The following CCDC14 variants were observed in gnomAD, a reference collection of about 807,000 sequenced individuals.
CCDC14 encodes the protein coiled-coil domain-containing protein 14.
In CCDC14, 71 loss-of-function variants were observed where a neutral mutation model predicts 81.4. That is an observed-to-expected ratio of 0.87 (90% CI 0.72 to 1.06). The LOEUF (loss-of-function observed/expected upper bound fraction) is 1.06, where lower values mean the gene tolerates loss of function less well. Ranked by LOEUF, CCDC14 falls within the 50% of genes least tolerant of loss-of-function variation. CCDC14 has a pLI of 0.00. For missense variants in CCDC14, 1,046 were observed against 1,047.3 expected (o/e 1.00, Z 0.02); for synonymous variants, 332 against 364.8 (o/e 0.91, Z 1.03).
chr3:123,944,835 A>C lies in CCDC14; in HGVS notation c.1343+14T>G. On this transcript the variant is annotated intron_variant, in intron 9 of 12. Transcript: ENST00000409697. ...TTTGCATACAGACAAAAATATTCAAAGAGCAATTCTTACCTTCGTAACTGA... is the reference window on the plus strand; with the variant it reads ...TTTGCATACAGACAAAAATATTCAACGAGCAATTCTTACCTTCGTAACTGA... 6.3e-7 allele frequency: 1 copy of C among 1,592,438 alleles called. No homozygotes were observed. The highest frequency in any genetic ancestry group is 8.6e-7 in the Non-Finnish European group (1 of 1,164,958).
intron 9 of CCDC14, among the ~76,000 whole-genome samples, chr3:123,938,414 G>A (rs990300954): frequency 4.0e-5 from 6 of 151,636 alleles, no homozygotes; most frequent in African/African-American, 1.5e-4. Flanking sequence ...ATTTCAAATT[G>A]TTCATTGCTG....
In CCDC14 at chr3:123,915,373, C is replaced by A; in HGVS notation, c.2124G>T (p.Gln708His). The A allele has an allele frequency of 6.2e-7, 1 of 1,613,590 alleles. No individual in the cohort carries two copies. Among genetic ancestry groups the A allele is most frequent in the Non-Finnish European group, 8.5e-7 (1 of 1,179,714 alleles). Residue 708 changes from glutamine (Q) to histidine (H), a missense_variant, in exon 13 of 13, where the codon CAG (glutamine) becomes CAT (histidine). Gln to His is a conservative substitution (Grantham distance 24). Transcript: ENST00000409697. Reference sequence around the variant, plus strand: ...TAGTTTCACTCCCTTCATCAGAATCCTGTTTTGAAAGGGCAGAAATAATTC... The same window carrying A: ...TAGTTTCACTCCCTTCATCAGAATCATGTTTTGAAAGGGCAGAAATAATTC... ...APGIISALSK[Q>H]DSDEGSETMA...
intron 5 of CCDC14, among the ~76,000 whole-genome samples, chr3:123,904,622 GAAAAAA>G (rs35632545): frequency 1.4e-5 from 2 of 144,508 alleles, no homozygotes; most frequent in African/African-American, 5.1e-5. Flanking sequence ...TGGAAAAAAA[GAAAAAA>G]AAAAAAACCC....
At position 123,931,075 on chromosome 3, in the gene CCDC14, G is replaced by A. The variant is rs779236942; in HGVS notation, c.1778+27C>T. ...AAACATCTAAAAATAAAAAAGGCATGAGTTATTCAAAGGAAGTCAATTTTA... is the reference window on the plus strand; with the variant it reads ...AAACATCTAAAAATAAAAAAGGCATAAGTTATTCAAAGGAAGTCAATTTTA... On this transcript the variant is annotated intron_variant, in intron 12 of 12. Coordinates refer to ENST00000409697, the MANE Select transcript of CCDC14 (RefSeq NM_001366335.1). 2.6e-6 allele frequency: 4 copies of A among 1,539,748 alleles called. No homozygotes were observed. The Admixed American group carries it at 9.4e-5, about 36-fold the overall frequency.
intron 12 of CCDC14, among the ~76,000 whole-genome samples, chr3:123,917,551 A>G (rs1001159990): frequency 1.1e-4 from 16 of 152,014 alleles, no homozygotes; most frequent in African/African-American, 3.9e-4. Context: ...AAACAAAGAT[A>G]CAAAGGACAT....
chr3:123,946,953 T>A lies in CCDC14; in HGVS notation c.1051A>T (p.Thr351Ser). ...ATGTTTAAATCCTTTCTTTCACTTGTGGCCTCTCTAATTTGCTCTCTGGCA... is the reference window on the plus strand; with the variant it reads ...ATGTTTAAATCCTTTCTTTCACTTGAGGCCTCTCTAATTTGCTCTCTGGCA... The part of the protein sequence containing the change: ...KCAREQIREA[T>S]SERKDLNIHV... Residue 351 changes from threonine (T) to serine (S), a missense_variant, in exon 8 of 13, where the codon ACA (threonine) becomes TCA (serine). Transcript: ENST00000409697. The A allele has an allele frequency of 6.2e-7, 1 of 1,614,026 alleles. No homozygotes were observed. The highest frequency in any genetic ancestry group is 8.5e-7 in the Non-Finnish European group (1 of 1,179,878).
intron 5 of CCDC14, among the ~76,000 whole-genome samples, chr3:123,903,161 T>A (rs948227370): frequency 5.9e-5 from 9 of 152,186 alleles, no homozygotes; most frequent in African/African-American, 1.9e-4. Context: ...TAAAACAAAA[T>A]GAAACAGAAG....
chr3:123,919,708 A>G (rs1448456920), intron 12 of CCDC14, among the ~76,000 whole-genome samples: 1 of 152,218 alleles, frequency 6.6e-6, no homozygotes, highest in African/African-American at 2.4e-5. Flanking sequence ...GCCTATAGTC[A>G]CTACCAGATG....
downstream of CCDC14, among the ~76,000 whole-genome samples, chr3:123,911,148 A>C (rs905309140): frequency 6.6e-6 from 1 of 152,206 alleles, no homozygotes; most frequent in South Asian, 2.1e-4. Context: ...TTCTTTGGGT[A>C]TAACAGTGAG....
intron 7 of CCDC14, 22 bp from the exon 8 acceptor site, chr3:123,947,341 T>G (rs1463498062): frequency 6.3e-7 from 1 of 1,575,290 alleles, no homozygotes; most frequent in African/African-American, 1.4e-5. Context: ...TAAAAACAAG[T>G]CTTCAGAAGT....
intron 5 of CCDC14, among the ~76,000 whole-genome samples, chr3:123,897,807 C>G (rs1370142936): frequency 1.3e-5 from 2 of 152,102 alleles, no homozygotes; most frequent in Non-Finnish European, 2.9e-5. Flanking sequence ...AATAGGTGAT[C>G]TGGGCAGAGG....
At chr3:123,948,235 T>C (rs909190483) in intron 7 of CCDC14, among the ~76,000 whole-genome samples, 16 of 139,444 alleles carry the variant, frequency 1.1e-4, no homozygotes, top group Non-Finnish European at 2.2e-4. Context: ...CTTTTCTTTC[T>C]TTTCTTTTTT....
At chr3:123,947,416 CAT>C (rs1345497739) in intron 7 of CCDC14, 97 bp from the exon 8 acceptor site, 5 of 794,674 alleles carry the variant, frequency 6.3e-6, no homozygotes, top group Admixed American at 5.7e-5. Flanking sequence ...TTTATTAAAA[CAT>C]GTTTATTAAT....
chr3:123,933,848 C>T, intron 9 of CCDC14, 93 bp from the exon 10 acceptor site: 1 of 791,642 alleles, frequency 1.3e-6, no homozygotes, highest in Non-Finnish European at 2.0e-6. Flanking sequence ...AAAACATAAA[C>T]CCACTAAGAC....
chr3:123,932,550 T>C (rs1303702019), intron 10 of CCDC14, among the ~76,000 whole-genome samples: 1 of 152,246 alleles, frequency 6.6e-6, no homozygotes, highest in African/African-American at 2.4e-5. Flanking sequence ...ATAATTTTGC[T>C]ATGTAGAAAC....
In CCDC14 at chr3:123,914,605, T is replaced by C. The variant is rs1041731686; in HGVS notation, c.*174A>G. The C allele has an allele frequency of 3.9e-6, 5 of 1,292,254 alleles. No individual in the cohort carries two copies. Among genetic ancestry groups the C allele is most frequent in the Admixed American group, 3.7e-5 (1 of 26,804 alleles). 80.0% of individuals were successfully genotyped at this position (1,292,254 alleles called of 1,614,324 possible). A position where few individuals can be genotyped will look rare whatever the true frequency, so the allele number is the denominator to read the frequency against. ...GTAGCAATTGTGAACTTAAGATGAC[T>C]TGTTTTTATAAGCTCCTCAGTGTCA... On this transcript the variant is annotated 3_prime_UTR_variant, in exon 13 of 13. Transcript: ENST00000409697.
chr3:123,924,584 C>G (rs1233693822), intron 12 of CCDC14, among the ~76,000 whole-genome samples: 1 of 151,882 alleles, frequency 6.6e-6, no homozygotes, highest in Non-Finnish European at 1.5e-5. Flanking sequence ...TCATGCAACT[C>G]AACAGCAAAA....
chr3:123,959,353 T>C (rs1577348754), intron 1 of CCDC14, among the ~76,000 whole-genome samples: 1 of 152,372 alleles, frequency 6.6e-6, no homozygotes, highest in South Asian at 2.1e-4. Flanking sequence ...TAGCTCATTG[T>C]GGTTTTAATT....
chr3:123,903,692 G>A (rs2034234564), intron 5 of CCDC14, among the ~76,000 whole-genome samples: 1 of 152,156 alleles, frequency 6.6e-6, no homozygotes, highest in South Asian at 2.1e-4. Flanking sequence ...TGCAGAGGCT[G>A]GAAAGCTAAA....
Sources: gnomAD v4.1 joint callset for allele counts (sites outside exome capture counted in the v4.1 genomes callset) on GRCh38, gnomAD v4.1.1 for gene constraint, MANE v1.5 for transcripts, NCBI Gene and HGNC (gene_info 2026-07-23, HGNC 2026-07-21) for gene names.